PIK3R3: variants seen among roughly 807,000 people sequenced by gnomAD.
PIK3R3 encodes phosphoinositide-3-kinase regulatory subunit 3.
Under a neutral mutation model 62.9 loss-of-function variants are expected in PIK3R3, and 64 were observed. The observed-to-expected ratio is 1.02, with a 90% confidence interval of 0.83 to 1.25. The LOEUF (loss-of-function observed/expected upper bound fraction) is 1.25. Ranked by LOEUF, PIK3R3 falls within the 50% of genes most tolerant of loss-of-function variation. The pLI is 0.00. For synonymous variants in PIK3R3, 165 were observed against 189.0 expected, an observed-to-expected ratio of 0.87 and a Z score of 1.04; for missense variants, 614 against 561.6, an observed-to-expected ratio of 1.09 and a Z score of -0.94.
At chr1:46,077,713 C>T (rs1300499420) in intron 2 of PIK3R3, 100 bp from the exon 3 acceptor site, 6 of 712,310 alleles carry the variant, frequency 8.4e-6, no homozygotes, top group Non-Finnish European at 1.5e-5. Flanking sequence ...GCAGCTTCGG[C>T]AGTAGGTGTG....
At chr1:46,171,972 T>C in the PIK3R3 span, among the ~76,000 whole-genome samples, 2 of 152,350 alleles carry the variant, frequency 1.3e-5, no homozygotes, top group South Asian at 4.1e-4. Flanking sequence ...AGGAGCAGCC[T>C]GGACCTTCTT....
intron 5 of PIK3R3, 96 bp from the exon 6 acceptor site, chr1:46,062,167 T>C (rs1319009432): frequency 1.0e-6 from 1 of 997,162 alleles, no homozygotes; most frequent in East Asian, 2.5e-5. Context: ...CAGTTATTAA[T>C]GTAATCCCAT....
chr1:46,048,310 C>T lies in PIK3R3; in HGVS notation c.942-1685G>A, dbSNP rs556752184. ...GTATACAAGATAACTTGGCATCACA[C>T]CTAATTTTAAAGTTCTGTTAGACAG... On this transcript the variant is annotated intron_variant, in intron 7 of 9. Transcript: ENST00000262741. The T allele has an allele frequency of 2.6e-5, 4 of 152,300 alleles. No individual in the cohort carries two copies. In the South Asian group the frequency reaches 6.2e-4, roughly 24 times the overall value. The allele number at this position is 152,300 out of a possible 1,614,324, so 9.4% of individuals were successfully genotyped here.
chr1:46,065,690 A>G (rs1648919929), intron 5 of PIK3R3, among the ~76,000 whole-genome samples: 1 of 152,206 alleles, frequency 6.6e-6, no homozygotes, highest in Non-Finnish European at 1.5e-5. Flanking sequence ...GTGATGGCTG[A>G]TATTAGAGTA....
At chr1:46,132,912 A>T, upstream of PIK3R3, 1 of 1,177,384 alleles carries the variant, frequency 8.5e-7, no homozygotes, top group Non-Finnish European at 1.1e-6. Context: ...AGCCTCAATC[A>T]GAATGGTACG....
chr1:46,102,018 G>A (rs543243995), intron 1 of PIK3R3, among the ~76,000 whole-genome samples: 22 of 112,554 alleles, frequency 2.0e-4, no homozygotes, highest in African/African-American at 5.6e-4. Flanking sequence ...ACGGAGTCTC[G>A]CTGTCGCCCA....
Position 46,062,068 on chromosome 1 carries a change from T to C in PIK3R3, c.625A>G (p.Ile209Val), listed in dbSNP as rs764376642. The C allele has an allele frequency of 6.2e-7, 1 of 1,604,968 alleles. No homozygotes were observed. Among genetic ancestry groups the C allele is most frequent in the South Asian group, 1.1e-5 (1 of 89,126 alleles). ...YEEYTRTSQE[I>V]QMKRTAIEAF... is the part of the protein sequence containing the mutation. Reference sequence around the variant, plus strand: ...TCTATTGCAGTCCTCTTCATCTGTATTTCCTACAGGAGAGAAAAAGAAAAA... The same window carrying C: ...TCTATTGCAGTCCTCTTCATCTGTACTTCCTACAGGAGAGAAAAAGAAAAA... Residue 209 changes from isoleucine (I) to valine (V), a missense_variant, in exon 6 of 10, where the codon ATA (isoleucine) becomes GTA (valine). By Grantham distance (29) the Ile-to-Val change is conservative. Coordinates refer to ENST00000262741, the MANE Select transcript of PIK3R3 (RefSeq NM_003629.4).
Position 46,066,035 on chromosome 1 carries a change from A to G in PIK3R3, c.621+19T>C, listed in dbSNP as rs762059382. On this transcript the variant is annotated intron_variant, in intron 5 of 9. Transcript: ENST00000262741. Reference sequence around the variant, plus strand: ...AAACATTGCACACATATTAGTCAAAAACAACATAATATACCAACCTGGGAT... The same window carrying G: ...AAACATTGCACACATATTAGTCAAAGACAACATAATATACCAACCTGGGAT... 9 of 1,603,564 alleles carry G rather than the reference A, an allele frequency of 5.6e-6. No homozygotes were observed. The Admixed American group carries it at 1.5e-4, about 27-fold the overall frequency.
chr1:46,065,727 T>G (rs1362201722), intron 5 of PIK3R3, among the ~76,000 whole-genome samples: 1 of 152,214 alleles, frequency 6.6e-6, no homozygotes, highest in Non-Finnish European at 1.5e-5. Context: ...TAGCAAAGCA[T>G]CAAGACAGAA....
chr1:46,051,502 C>G (rs1647343459), intron 7 of PIK3R3, among the ~76,000 whole-genome samples: 1 of 152,038 alleles, frequency 6.6e-6, no homozygotes, highest in Non-Finnish European at 1.5e-5. Context: ...CTCAGGTGAT[C>G]CACCTGCCTC....
intron 1 of PIK3R3, among the ~76,000 whole-genome samples, chr1:46,086,636 G>T (rs1411268434): frequency 6.6e-6 from 1 of 152,112 alleles, no homozygotes; most frequent in East Asian, 1.9e-4. Flanking sequence ...GGAGGCAGAG[G>T]TTACAGTGAG....
chr1:46,095,505 G>A (rs1011077994), intron 1 of PIK3R3, among the ~76,000 whole-genome samples: 39 of 152,138 alleles, frequency 2.6e-4, no homozygotes, highest in African/African-American at 8.9e-4. Context: ...GGGGCCTGTC[G>A]CGGGGTGGTA....
the PIK3R3 span, among the ~76,000 whole-genome samples, chr1:46,165,305 CTTTTTTT>C: frequency 6.2e-5 from 8 of 130,014 alleles, no homozygotes; most frequent in African/African-American, 2.4e-4. Context: ...TCTTCTTCTT[CTTTTTTT>C]TTTTTTTTTT....
At chr1:46,057,363 A>G (rs566269316) in intron 6 of PIK3R3, 1 of 152,308 alleles carries the variant, frequency 6.6e-6, no homozygotes, top group Non-Finnish European at 1.5e-5. Context: ...AAACGGACTA[A>G]TTTAGTAAAT....
chr1:46,142,980 C>T, the PIK3R3 span, among the ~76,000 whole-genome samples: 1 of 152,130 alleles, frequency 6.6e-6, no homozygotes, highest in South Asian at 2.1e-4. Flanking sequence ...ACAACGTGGG[C>T]AAACGATCAA....
At chr1:46,125,520 G>C (rs1363210291) in intron 1 of PIK3R3, among the ~76,000 whole-genome samples, 1 of 152,146 alleles carries the variant, frequency 6.6e-6, no homozygotes, top group African/African-American at 2.4e-5. Flanking sequence ...TTTATTCTAT[G>C]TAGCTCTCAG....
upstream of PIK3R3, chr1:46,133,164 G>T: frequency 4.1e-6 from 1 of 241,738 alleles, no homozygotes; most frequent in Non-Finnish European, 6.7e-6. Flanking sequence ...ATTGGTCAGA[G>T]CCCAGTTACT....
chr1:46,147,078 C>T, the PIK3R3 span, among the ~76,000 whole-genome samples: 88 of 152,270 alleles, frequency 5.8e-4, no homozygotes, highest in African/African-American at 1.8e-3. Context: ...TGATTTCCTA[C>T]TTTTGCAGCA....
intron 1 of PIK3R3, among the ~76,000 whole-genome samples, chr1:46,102,662 G>A (rs1411154333): frequency 6.6e-6 from 1 of 151,940 alleles, no homozygotes; most frequent in East Asian, 1.9e-4. Flanking sequence ...GTAAGGAAGT[G>A]GAGTAACTGG....
Sources: allele counts gnomAD v4.1 joint callset (sites outside exome capture counted in the v4.1 genomes callset), GRCh38; gene constraint gnomAD v4.1.1; transcripts MANE v1.5; gene names NCBI Gene and HGNC (gene_info 2026-07-23, HGNC 2026-07-21).